RAPGEF5: variants seen among roughly 807,000 people sequenced by gnomAD.
RAPGEF5 encodes M-Ras-regulated GEF.
A neutral mutation model predicts 125.2 loss-of-function variants in RAPGEF5; 65 were observed. The observed-to-expected ratio is 0.52, with a 90% CI of 0.43 to 0.64. The LOEUF (loss-of-function observed/expected upper bound fraction) is 0.64. RAPGEF5 is among the 30% of genes least tolerant of loss of function. RAPGEF5 has a pLI of 0.00. For synonymous variants in RAPGEF5, 391 were observed against 385.9 expected (o/e 1.01, Z -0.16); for missense variants, 958 against 1,048.1 (o/e 0.91, Z 1.19).
chr7:22,125,794 T>C, intron 24 of RAPGEF5, 136 bp from the exon 25 acceptor site: 1 of 809,928 alleles, frequency 1.2e-6, no homozygotes, highest in Non-Finnish European at 2.1e-6. Flanking sequence ...TGGAGCTGGA[T>C]GTAGCTTTGA....
chr7:22,293,823 C>T (rs1782989163), intron 5 of RAPGEF5, among the ~76,000 whole-genome samples: 1 of 152,146 alleles, frequency 6.6e-6, no homozygotes, highest in African/African-American at 2.4e-5. Flanking sequence ...CAATACTCGG[C>T]CACTCTCCTT....
At chr7:22,319,464 G>A (rs1783669487) in intron 1 of RAPGEF5, among the ~76,000 whole-genome samples, 2 of 152,118 alleles carry the variant, frequency 1.3e-5, no homozygotes, top group Non-Finnish European at 2.9e-5. Context: ...ATCCAGAAAT[G>A]CCAATTGATA....
intron 12 of RAPGEF5, among the ~76,000 whole-genome samples, chr7:22,166,221 C>A (rs1230791956): frequency 6.6e-6 from 1 of 151,466 alleles, no homozygotes; most frequent in Non-Finnish European, 1.5e-5. Context: ...GCCACGACAC[C>A]CAGCCATCAT....
At chr7:22,351,513 C>A (rs1784329535) in intron 1 of RAPGEF5, among the ~76,000 whole-genome samples, 1 of 152,132 alleles carries the variant, frequency 6.6e-6, no homozygotes, top group South Asian at 2.1e-4. Flanking sequence ...AGATGCAAAC[C>A]TCCCTTCTGG....
At position 22,148,110 on chromosome 7, in the gene RAPGEF5, G is replaced by A. The variant is rs192700944; in HGVS notation, c.1885-1091C>T. ...GGTGCTCGGAAAGCAATGACCAAAC[G>A]AACCAGCTAACAAATGTAGAGGTGT... is the stretch of plus-strand genomic sequence containing the variant. On this transcript the variant is annotated intron_variant, in intron 18 of 25. Coordinates refer to ENST00000665637, the MANE Select transcript of RAPGEF5 (RefSeq NM_012294.5). 3.0e-3 allele frequency among the ~76,000 whole-genome samples: 455 copies of A among 152,220 alleles called. 2 individuals are homozygous for A. The highest frequency in any genetic ancestry group is 0.011 in the African/African-American group (439 of 41,532).
chr7:22,344,975 G>C (rs1200138258), intron 1 of RAPGEF5, among the ~76,000 whole-genome samples: 1 of 152,214 alleles, frequency 6.6e-6, no homozygotes, highest in Non-Finnish European at 1.5e-5. Flanking sequence ...GTGTTACAAA[G>C]TGTGGTCTGT....
At chr7:22,170,149 G>A (rs116110414) in intron 11 of RAPGEF5, among the ~76,000 whole-genome samples, 1,655 of 152,174 alleles carry the variant, frequency 0.011, 30 homozygotes, top group African/African-American at 0.038. Flanking sequence ...TCGCCTCCCA[G>A]GTTCAAGTGA....
At chr7:22,133,254 G>A (rs1434001026) in intron 23 of RAPGEF5, among the ~76,000 whole-genome samples, 2 of 152,340 alleles carry the variant, frequency 1.3e-5, no homozygotes, top group South Asian at 2.1e-4. Context: ...CTGGCCAGGT[G>A]AGAGGGGAGA....
At chr7:22,270,166 G>GT (rs1268615684) in intron 6 of RAPGEF5, among the ~76,000 whole-genome samples, 1 of 152,200 alleles carries the variant, frequency 6.6e-6, no homozygotes, top group Non-Finnish European at 1.5e-5. Context: ...TTACCTACAG[G>GT]TAGTGTTGGC....
At chr7:22,318,838 A>T (rs934048314) in intron 1 of RAPGEF5, among the ~76,000 whole-genome samples, 2 of 152,082 alleles carry the variant, frequency 1.3e-5, no homozygotes, top group Non-Finnish European at 2.9e-5. Flanking sequence ...CAGGTGCAGC[A>T]CCTGGGTGCT....
intron 7 of RAPGEF5, among the ~76,000 whole-genome samples, chr7:22,237,620 T>A (rs1042464659): frequency 6.6e-6 from 1 of 152,200 alleles, no homozygotes; most frequent in Non-Finnish European, 1.5e-5. Context: ...TTCCCTGCTA[T>A]ATTAGCCCCT....
At chr7:22,203,004 T>C in intron 9 of RAPGEF5, 1 of 250,414 alleles carries the variant, frequency 4.0e-6, no homozygotes, top group South Asian at 3.6e-5. Context: ...TGAATTTGTA[T>C]CAGGGTCTTG....
intron 1 of RAPGEF5, among the ~76,000 whole-genome samples, chr7:22,352,969 C>T (rs748935799): frequency 1.2e-4 from 18 of 152,312 alleles, no homozygotes; most frequent in Admixed American, 9.1e-4. Flanking sequence ...CCTAAACTCA[C>T]GAATCAATCT....
At position 22,146,899 on chromosome 7, in the gene RAPGEF5, C is replaced by T. The variant is rs1783457017; in HGVS notation, c.2005G>A (p.Glu669Lys). 1.2e-6 allele frequency: 2 copies of T among 1,609,176 alleles called. No individual in the cohort carries two copies. Among genetic ancestry groups the T allele is most frequent in the Admixed American group, 3.4e-5 (2 of 58,610 alleles). Residue 669 changes from glutamate (E) to lysine (K), a missense_variant and splice_region_variant, in exon 19 of 26, where the codon GAG becomes AAG. Transcript: ENST00000665637. ...TTATCTTGTCACTCCTCATTTACCT[C>T]GTGAATTGAATTGAATAGACTCCAA... ...FDWSLFNSIH[E>K]QELIYFTFSR...
chr7:22,337,841 A>G (rs1784054325), intron 1 of RAPGEF5, among the ~76,000 whole-genome samples: 1 of 152,234 alleles, frequency 6.6e-6, no homozygotes, highest in Admixed American at 6.5e-5. Context: ...TTTGTTTATA[A>G]AGCACATTGT....
intron 1 of RAPGEF5, among the ~76,000 whole-genome samples, chr7:22,323,575 C>T (rs191319531): frequency 1.7e-3 from 253 of 152,242 alleles, no homozygotes; most frequent in African/African-American, 5.8e-3. Context: ...AATTAAGTAA[C>T]TAAAGAATTA....
At chr7:22,136,165 A>G (rs777569561) in intron 22 of RAPGEF5, 40 bp from the exon 23 acceptor site, 6 of 1,441,810 alleles carry the variant, frequency 4.2e-6, no homozygotes, top group Non-Finnish European at 5.8e-6. Context: ...AGAAAAATCA[A>G]TGTGCTATAG....
chr7:22,290,974 T>C (rs1352886906), intron 6 of RAPGEF5, among the ~76,000 whole-genome samples: 1 of 152,130 alleles, frequency 6.6e-6, no homozygotes, highest in Non-Finnish European at 1.5e-5. Flanking sequence ...ACCAGAAATA[T>C]CTATGATCTC....
At chr7:22,288,716 G>C (rs1044700672) in intron 6 of RAPGEF5, among the ~76,000 whole-genome samples, 1 of 151,900 alleles carries the variant, frequency 6.6e-6, no homozygotes, top group Admixed American at 6.6e-5. Context: ...TAGAGATGGG[G>C]TTTCACCGTG....
Sources: allele counts gnomAD v4.1 joint callset (sites outside exome capture counted in the v4.1 genomes callset), GRCh38; gene constraint gnomAD v4.1.1; transcripts MANE v1.5; gene names NCBI Gene and HGNC (gene_info 2026-07-23, HGNC 2026-07-21).